Variants in RBFOX1 observed in about 807,000 individuals in gnomAD.
The protein encoded by RBFOX1 is RNA binding fox-1 homolog 1.
Under a neutral mutation model 57.7 loss-of-function variants are expected in RBFOX1, and 8 were observed. That is an observed-to-expected ratio of 0.14 (90% CI 0.08 to 0.25). The LOEUF (loss-of-function observed/expected upper bound fraction) is 0.25, where lower values mean the gene tolerates loss of function less well. Ranked by LOEUF, RBFOX1 falls within the 10% of genes least tolerant of loss-of-function variation. The pLI is 1.00. For missense variants in RBFOX1, 611 were observed against 548.5 expected (o/e 1.11, Z -1.14); for synonymous variants, 326 against 222.4 (o/e 1.47, Z -4.15).
At chr16:6,578,159 C>G (rs945411877) in intron 2 of RBFOX1, among the ~76,000 whole-genome samples, 2 of 152,228 alleles carry the variant, frequency 1.3e-5, no homozygotes, top group East Asian at 3.8e-4. Flanking sequence ...ATTCTAACTA[C>G]TACTAGACAT....
Position 7,301,789 on chromosome 16 carries a change from G to T in RBFOX1, c.28-216358G>T, listed in dbSNP as rs151192961. Among the ~76,000 whole-genome samples the T allele has an allele frequency of 3.2e-3, 485 of 152,266 alleles. 5 individuals are homozygous for T. Among genetic ancestry groups the T allele is most frequent in the African/African-American group, 0.011 (448 of 41,550 alleles). On this transcript the variant is annotated intron_variant, in intron 4 of 15. Transcript: ENST00000550418. ...GCAGTGCGAACCCGTCCGTACAGCA[G>T]ATTGCTTGACGCAACAGTAAAGAAT...
chr16:6,383,915 G>C (rs1308102168), intron 2 of RBFOX1, among the ~76,000 whole-genome samples: 1 of 151,986 alleles, frequency 6.6e-6, no homozygotes, highest in African/African-American at 2.4e-5. Flanking sequence ...GAAGCATAAT[G>C]GATCCTCTGT....
At chr16:6,319,071 G>T (rs1019475911) in intron 2 of RBFOX1, among the ~76,000 whole-genome samples, 6 of 152,030 alleles carry the variant, frequency 3.9e-5, no homozygotes, top group South Asian at 2.1e-4. Flanking sequence ...CCTGGGTTTT[G>T]TGTGTTCTTC....
chr16:6,285,784 C>T (rs759006165), intron 1 of RBFOX1, among the ~76,000 whole-genome samples: 4 of 152,124 alleles, frequency 2.6e-5, no homozygotes, highest in Non-Finnish European at 5.9e-5. Flanking sequence ...CTCTCCTGTC[C>T]TCTTTGTGAC....
intron 3 of RBFOX1, among the ~76,000 whole-genome samples, chr16:6,953,068 A>C (rs886127323): frequency 2.0e-5 from 3 of 152,174 alleles, no homozygotes; most frequent in African/African-American, 7.2e-5. Flanking sequence ...GCAGGTGGCG[A>C]AACCAAGCCA....
chr16:6,976,876 T>TAGG (rs2087048473), intron 3 of RBFOX1, among the ~76,000 whole-genome samples: 1 of 146,690 alleles, frequency 6.8e-6, no homozygotes, highest in African/African-American at 2.5e-5. Context: ...ACATATGTCA[T>TAGG]ATCCATATCA....
chr16:5,273,444 C>A (rs1456657037), intron 1 of RBFOX1, among the ~76,000 whole-genome samples: 4 of 152,068 alleles, frequency 2.6e-5, no homozygotes, highest in Non-Finnish European at 5.9e-5. Flanking sequence ...TCAGCCCACC[C>A]CAAAGAGAGG....
chr16:5,817,297 C>A (rs572433934), intron 3 of RBFOX1, among the ~76,000 whole-genome samples: 1 of 152,280 alleles, frequency 6.6e-6, no homozygotes, highest in African/African-American at 2.4e-5. Context: ...ATATTCTTCT[C>A]CCCAGTTCCC....
rs9923087 is a variant in RBFOX1 at position 5,972,745 on chromosome 16, C to T, written c.351+105410C>T. ...CTGGCAGTCTCCCCTGGGAGCTGCA[C>T]GTGTTTCTCACCCTCTCCACTCCAG... On this transcript the variant is annotated intron_variant, in intron 4 of 19. Transcript: ENST00000641259. Among the ~76,000 whole-genome samples, 785 of 152,282 alleles carry T rather than the reference C, an allele frequency of 5.2e-3. 6 individuals carry two copies. Among genetic ancestry groups the T allele is most frequent in the African/African-American group, 0.017 (697 of 41,568 alleles).
intron 4 of RBFOX1, among the ~76,000 whole-genome samples, chr16:7,113,876 G>C (rs996462337): frequency 6.6e-6 from 1 of 152,022 alleles, no homozygotes; most frequent in East Asian, 1.9e-4. Flanking sequence ...TGGCACTCTC[G>C]GGTCATGCAT....
At chr16:5,709,117 C>G (rs1399203107) in intron 3 of RBFOX1, among the ~76,000 whole-genome samples, 7 of 152,190 alleles carry the variant, frequency 4.6e-5, no homozygotes, top group African/African-American at 1.7e-4. Context: ...TGTTGAGTTT[C>G]TGTCTCTTGC....
At chr16:6,453,052 G>C (rs1206769369) in intron 2 of RBFOX1, among the ~76,000 whole-genome samples, 1 of 152,006 alleles carries the variant, frequency 6.6e-6, no homozygotes, top group Admixed American at 6.6e-5. Flanking sequence ...TATTCCACAG[G>C]TATGTATTGT....
At chr16:6,716,532 C>A in intron 3 of RBFOX1, among the ~76,000 whole-genome samples, 1 of 152,170 alleles carries the variant, frequency 6.6e-6, no homozygotes, top group South Asian at 2.1e-4. Context: ...TTCTTGTTTA[C>A]CTGCATAGAA....
intron 2 of RBFOX1, among the ~76,000 whole-genome samples, chr16:6,543,373 G>T (rs924460547): frequency 6.6e-6 from 1 of 152,112 alleles, no homozygotes; most frequent in Non-Finnish European, 1.5e-5. Context: ...CTACTCGGTG[G>T]CTTCTCAAAG....
chr16:6,368,741 C>G (rs2090021379), intron 2 of RBFOX1, among the ~76,000 whole-genome samples: 1 of 152,208 alleles, frequency 6.6e-6, no homozygotes, highest in Non-Finnish European at 1.5e-5. Flanking sequence ...CATGTTTACA[C>G]ATGACAGGCA....
chr16:7,107,833 C>G (rs1239160875), intron 4 of RBFOX1, among the ~76,000 whole-genome samples: 2 of 152,104 alleles, frequency 1.3e-5, no homozygotes, highest in Admixed American at 6.6e-5. Flanking sequence ...TTAAACATCT[C>G]TAACAATAAC....
At chr16:7,286,148 G>A (rs2095646827) in intron 4 of RBFOX1, among the ~76,000 whole-genome samples, 1 of 152,172 alleles carries the variant, frequency 6.6e-6, no homozygotes, top group South Asian at 2.1e-4. Context: ...ACCACTGCTG[G>A]CATAGGGATT....
At chr16:5,269,677 G>A (rs2062956074) in intron 1 of RBFOX1, among the ~76,000 whole-genome samples, 2 of 152,202 alleles carry the variant, frequency 1.3e-5, no homozygotes, top group African/African-American at 4.8e-5. Context: ...GTTGGTAGGG[G>A]CATGGGAGGA....
chr16:7,304,542 C>G (rs1393153978), intron 4 of RBFOX1: 1 of 985,186 alleles, frequency 1.0e-6, no homozygotes, highest in African/African-American at 1.7e-5. Flanking sequence ...CAGATGGGTC[C>G]CCGCGCGTAC....
Sources: allele counts gnomAD v4.1 joint callset (sites outside exome capture counted in the v4.1 genomes callset), GRCh38; gene constraint gnomAD v4.1.1; transcripts MANE v1.5; gene names NCBI Gene and HGNC (gene_info 2026-07-23, HGNC 2026-07-21).